The following PCLO variants were observed in gnomAD, a reference collection of about 807,000 sequenced individuals.
PCLO encodes the protein protein piccolo.
A neutral mutation model predicts 427.5 loss-of-function variants in PCLO; 82 were observed. The ratio of observed to expected loss-of-function variants is 0.19; its 90% confidence interval spans 0.16 to 0.23. The LOEUF is 0.23. Ranked by LOEUF, PCLO falls within the 10% of genes least tolerant of loss-of-function variation. The pLI is 1.00. For synonymous variants in PCLO, 2,357 were observed against 2,155.4 expected (o/e 1.09, Z -2.59); for missense variants, 6,239 against 6,115.9 (o/e 1.02, Z -0.67).
intron 22 of PCLO, among the ~76,000 whole-genome samples, chr7:82,798,340 G>T: frequency 6.6e-6 from 1 of 152,140 alleles, no homozygotes; most frequent in Non-Finnish European, 1.5e-5. Context: ...TACAATAAAA[G>T]AACTATATAT....
intron 3 of PCLO, among the ~76,000 whole-genome samples, chr7:82,975,610 A>C (rs1182266264): frequency 6.6e-6 from 1 of 152,128 alleles, no homozygotes; most frequent in African/African-American, 2.4e-5. Context: ...GCAGGGTGTA[A>C]ACTTGTCTAG....
Position 83,156,263 on chromosome 7 carries a change from A to G in PCLO, c.378T>C (p.Pro126=). 6.2e-7 allele frequency: 1 copy of G among 1,613,854 alleles called. No homozygotes were observed. Among genetic ancestry groups the G allele is most frequent in the Non-Finnish European group, 8.5e-7 (1 of 1,179,800 alleles). ...TDTFRSEQKL[P]GRSPSTISLK... The stretch of plus-strand genomic sequence containing the variant: ...AGCTAATAGTGGAAGGACTCCTCCC[A>G]GGCAATTTCTGCTCTGACCTGAAAG... Residue 126 remains proline (P), a synonymous_variant, in exon 2 of 25, where the codon CCT becomes CCC. Transcript: ENST00000333891.
intron 22 of PCLO, among the ~76,000 whole-genome samples, chr7:82,772,849 A>C (rs1192786453): frequency 6.6e-6 from 1 of 152,114 alleles, no homozygotes; most frequent in Non-Finnish European, 1.5e-5. Context: ...GCCTCTTACT[A>C]TTTTATAGGA....
intron 3 of PCLO, among the ~76,000 whole-genome samples, chr7:82,972,769 CA>C (rs574536913): frequency 6.6e-6 from 1 of 152,004 alleles, no homozygotes; most frequent in South Asian, 2.1e-4. Flanking sequence ...TGACTCAACA[CA>C]AATTTTACAC....
chr7:82,913,468 AAAT>A (rs1437500685), intron 7 of PCLO, among the ~76,000 whole-genome samples: 1 of 152,034 alleles, frequency 6.6e-6, no homozygotes, highest in African/African-American at 2.4e-5. Context: ...TAAAGGAAGG[AAAT>A]AATAATGCTT....
intron 20 of PCLO, among the ~76,000 whole-genome samples, chr7:82,807,580 T>C (rs1219705605): frequency 6.6e-6 from 1 of 152,090 alleles, no homozygotes; most frequent in African/African-American, 2.4e-5. Context: ...GATCAAGTCT[T>C]GCAAAGGATT....
intron 20 of PCLO, among the ~76,000 whole-genome samples, chr7:82,813,827 ACT>A (rs1463127151): frequency 6.6e-6 from 1 of 151,776 alleles, no homozygotes; most frequent in Non-Finnish European, 1.5e-5. Flanking sequence ...ATATTTTGAA[ACT>A]CATCAAATTA....
Position 82,952,413 on chromosome 7 carries a change from G to T in PCLO, c.8540C>A (p.Ala2847Asp), listed in dbSNP as rs1444558883. 6.2e-7 allele frequency: 1 copy of T among 1,613,720 alleles called. No individual in the cohort carries two copies. The highest frequency in any genetic ancestry group is 8.5e-7 in the Non-Finnish European group (1 of 1,179,812). The part of the protein sequence containing the change: ...RIPSDQVFPI[A>D]REEAPINLSL... The stretch of plus-strand genomic sequence containing the variant: ...TAAGTTTATTGGTGCTTCTTCCCTA[G>T]CTATAGGAAAGACCTGGTCACTTGG... Residue 2847 changes from alanine to aspartate, a missense_variant, in exon 5 of 25, where the codon GCT becomes GAT. By Grantham distance (126) the Ala-to-Asp change is moderately radical. Around this residue, in one of 5 missense-constraint regions of PCLO, gnomAD observed 4,677 missense variants for 4,468.4 expected, o/e 1.05. Transcript: ENST00000333891.
At chr7:83,094,210 C>CTTTTTTTTTTTTTTTTTT in intron 3 of PCLO, among the ~76,000 whole-genome samples, 1 of 126,020 alleles carries the variant, frequency 7.9e-6, no homozygotes. Flanking sequence ...ATTTTTTTTT[C>CTTTTTTTTTTTTTTTTTT]TTTTTTTTTT....
At chr7:82,852,787 C>A (rs777533174) in intron 10 of PCLO, among the ~76,000 whole-genome samples, 1 of 152,112 alleles carries the variant, frequency 6.6e-6, no homozygotes, top group South Asian at 2.1e-4. Flanking sequence ...AGTATATTCA[C>A]TCTACTGTGC....
At chr7:82,914,110 TTTTA>T (rs1194097880) in intron 7 of PCLO, among the ~76,000 whole-genome samples, 54 of 152,120 alleles carry the variant, frequency 3.5e-4, no homozygotes, top group African/African-American at 1.3e-3. Flanking sequence ...AACAGAAATC[TTTTA>T]TTTAAGGAAA....
At chr7:83,019,101 C>T (rs1788278196) in intron 3 of PCLO, among the ~76,000 whole-genome samples, 1 of 151,880 alleles carries the variant, frequency 6.6e-6, no homozygotes, top group Non-Finnish European at 1.5e-5. Context: ...GAAATCAAGA[C>T]ATTTATACAT....
intron 10 of PCLO, among the ~76,000 whole-genome samples, chr7:82,859,866 T>C (rs186483077): frequency 1.3e-5 from 2 of 152,122 alleles, no homozygotes; most frequent in East Asian, 1.9e-4. Flanking sequence ...ATAAATTTAA[T>C]AGAGTATGAA....
intron 7 of PCLO, among the ~76,000 whole-genome samples, chr7:82,911,276 T>C (rs1794313773): frequency 6.6e-6 from 1 of 152,134 alleles, no homozygotes; most frequent in African/African-American, 2.4e-5. Flanking sequence ...TAAATGAATC[T>C]GCTTTTGTAT....
At chr7:82,792,997 T>A (rs1454297194) in intron 22 of PCLO, among the ~76,000 whole-genome samples, 1 of 139,320 alleles carries the variant, frequency 7.2e-6, no homozygotes, top group East Asian at 2.0e-4. Flanking sequence ...TTCCTTAAGT[T>A]ATTAATTGCT....
At chr7:82,785,359 C>T (rs550954615) in intron 22 of PCLO, among the ~76,000 whole-genome samples, 1 of 152,154 alleles carries the variant, frequency 6.6e-6, no homozygotes, top group Non-Finnish European at 1.5e-5. Flanking sequence ...GGAGGTGATG[C>T]TCGCTTGGCT....
intron 10 of PCLO, among the ~76,000 whole-genome samples, chr7:82,864,444 T>A (rs1304947925): frequency 6.6e-6 from 1 of 151,956 alleles, no homozygotes; most frequent in African/African-American, 2.4e-5. Flanking sequence ...TAAAGATGAG[T>A]TTGTATAGCT....
chr7:83,043,912 C>CTT (rs869061778), intron 3 of PCLO, among the ~76,000 whole-genome samples: 1,415 of 94,702 alleles, frequency 0.015, 82 homozygotes, highest in African/African-American at 0.039. Flanking sequence ...CTATTATTTT[C>CTT]TTTTTTTTTT....
rs114130609 is a variant in PCLO at position 82,945,506 on chromosome 7, A to C, written c.11112+3970T>G. Among the ~76,000 whole-genome samples the C allele has an allele frequency of 6.4e-3, 972 of 152,314 alleles. 15 individuals carry two copies. Among genetic ancestry groups the C allele is most frequent in the African/African-American group, 0.022 (911 of 41,570 alleles). ...AATCAAGTTAAAATGAGGTCATTAG[A>C]GTAGGCCTAAATCAATATGGTAGTA... On this transcript the variant is annotated intron_variant, in intron 6 of 24. Transcript: ENST00000333891.
Sources: gnomAD v4.1 joint callset for allele counts (sites outside exome capture counted in the v4.1 genomes callset) on GRCh38, gnomAD v4.1.1 for gene constraint, gnomAD v4.1.1 regional missense constraint, MANE v1.5 for transcripts, NCBI Gene and HGNC (gene_info 2026-07-23, HGNC 2026-07-21) for gene names.